The following THADA variants were observed in gnomAD, a reference collection of about 807,000 sequenced individuals.
THADA encodes the protein tRNA (32-2'-O)-methyltransferase regulator THADA.
Under a neutral mutation model 219.8 loss-of-function variants are expected in THADA, and 213 were observed. The observed-to-expected ratio is 0.97, with a 90% CI of 0.87 to 1.09. The LOEUF (loss-of-function observed/expected upper bound fraction) is 1.09. Among genes scored for constraint, THADA ranks in the 50% least tolerant of loss-of-function variants. The pLI, the probability that THADA is intolerant of heterozygous loss-of-function variation, is 0.00. For missense variants in THADA, 2,956 were observed against 2,311.3 expected, an observed-to-expected ratio of 1.28 and a Z score of -5.72; for synonymous variants, 1,018 against 828.9, an observed-to-expected ratio of 1.23 and a Z score of -3.92.
Position 43,345,580 on chromosome 2 carries a change from T to A in THADA, c.4228-1343A>T, listed in dbSNP as rs530483531. 7.9e-5 allele frequency among the ~76,000 whole-genome samples: 12 copies of A among 152,010 alleles called. No individual in the cohort carries two copies. The South Asian group carries it at 2.5e-3, about 32-fold the overall frequency. On this transcript the variant is annotated intron_variant, in intron 29 of 37. Transcript: ENST00000405975. Reference sequence around the variant, plus strand: ...GGGACCCAAACCACCCGACGTGGAGTCTGGAGCAATGGGTCTGGCTGGAGC... The same window carrying A: ...GGGACCCAAACCACCCGACGTGGAGACTGGAGCAATGGGTCTGGCTGGAGC...
At chr2:43,459,028 T>A (rs1379515231) in intron 26 of THADA, among the ~76,000 whole-genome samples, 1 of 152,156 alleles carries the variant, frequency 6.6e-6, no homozygotes, top group African/African-American at 2.4e-5. Flanking sequence ...CAAACAAAAT[T>A]ATTCAAACAA....
chr2:43,570,251 AG>A, intron 14 of THADA, 136 bp downstream of exon 14: 2 of 812,376 alleles, frequency 2.5e-6, no homozygotes, highest in South Asian at 2.0e-5. Context: ...CACCAGAAAT[AG>A]GTAATACTCA....
chr2:43,312,051 A>T (rs1200988889), intron 31 of THADA, among the ~76,000 whole-genome samples: 1 of 152,012 alleles, frequency 6.6e-6, no homozygotes, highest in Non-Finnish European at 1.5e-5. Context: ...AAAAATTAAA[A>T]ACAAAAACAG....
At position 43,527,945 on chromosome 2, in the gene THADA, G is replaced by C. The variant is rs1348377486; in HGVS notation, c.3308C>G (p.Ser1103Cys). 1.9e-6 allele frequency: 3 copies of C among 1,613,372 alleles called. No homozygotes were observed. The highest frequency in any genetic ancestry group is 3.3e-5 in the Admixed American group (2 of 59,962). ...CAATTCAAATGCTCCTCTGTGCCTG[G>C]ACTGCAAAAGGTGTTGTTTAAAGTA... Reference protein sequence around the residue: ...GDYFKQHLLQSRHRGAFELAY... With the variant: ...GDYFKQHLLQCRHRGAFELAY... The change falls in exon 22 of 38, where the codon TCC becomes TGC. Residue 1103 changes from serine to cysteine, a missense_variant. By Grantham distance (112) the Ser-to-Cys change is moderately radical (BLOSUM62 -1). Transcript: ENST00000405975.
intron 29 of THADA, among the ~76,000 whole-genome samples, chr2:43,364,936 A>AG (rs1372135582): frequency 2.1e-4 from 31 of 151,072 alleles, no homozygotes; most frequent in Non-Finnish European, 4.1e-4. Flanking sequence ...GGTTTTAAGT[A>AG]GGGAATTAAG....
At chr2:43,314,743 C>T (rs1328505396) in intron 31 of THADA, among the ~76,000 whole-genome samples, 2 of 152,160 alleles carry the variant, frequency 1.3e-5, no homozygotes, top group African/African-American at 4.8e-5. Flanking sequence ...CTATAATTTT[C>T]TTTCCATTCC....
At position 43,428,051 on chromosome 2, in the gene THADA, G is replaced by T. The variant is rs750776107; in HGVS notation, c.4058+49C>A. The stretch of plus-strand genomic sequence containing the variant: ...AATAAGAAGAAGATAAAATATTCCC[G>T]TAAAACTCCCACGCCAACCTAGACA... On this transcript the variant is annotated intron_variant, in intron 28 of 37. Coordinates refer to ENST00000405975, the MANE Select transcript of THADA (RefSeq NM_022065.5). 6 of 1,411,410 alleles carry T rather than the reference G, an allele frequency of 4.3e-6. No individual in the cohort carries two copies. The African/African-American group carries it at 7.3e-5, about 17-fold the overall frequency. The allele number at this position is 1,411,410 out of a possible 1,614,324, so 87.4% of individuals were successfully genotyped here.
intron 26 of THADA, among the ~76,000 whole-genome samples, chr2:43,432,664 T>C (rs1429428455): frequency 6.6e-6 from 1 of 152,236 alleles, no homozygotes; most frequent in Non-Finnish European, 1.5e-5. Context: ...TGGAGATTTC[T>C]ACAGTCCTTT....
intron 15 of THADA, chr2:43,564,488 CCTCTGT>C (rs1698441056): frequency 6.6e-6 from 1 of 152,276 alleles, no homozygotes; most frequent in Non-Finnish European, 1.5e-5. Flanking sequence ...TCTCTCTCTG[CCTCTGT>C]CTTGTAAGGA....
At chr2:43,498,727 G>A (rs1573948489) in intron 25 of THADA, 106 bp downstream of exon 25, 10 of 1,202,728 alleles carry the variant, frequency 8.3e-6, no homozygotes, top group Admixed American at 3.3e-5. Context: ...GAAAATTCAT[G>A]GTAAAGGGCA....
intron 29 of THADA, among the ~76,000 whole-genome samples, chr2:43,393,534 C>A (rs747054284): frequency 3.3e-5 from 5 of 151,872 alleles, no homozygotes; most frequent in Non-Finnish European, 7.4e-5. Flanking sequence ...ATGGTGAAAC[C>A]CAGTCTCTAC....
At chr2:43,531,852 T>A (rs1693916808) in intron 21 of THADA, among the ~76,000 whole-genome samples, 1 of 152,154 alleles carries the variant, frequency 6.6e-6, no homozygotes, top group Admixed American at 6.5e-5. Context: ...TTCCTTTTTT[T>A]CGACTCATAA....
intron 22 of THADA, among the ~76,000 whole-genome samples, chr2:43,522,665 T>C (rs953305767): frequency 4.6e-5 from 7 of 152,172 alleles, no homozygotes; most frequent in Non-Finnish European, 8.8e-5. Context: ...TTTAAATGAG[T>C]GTTCAAATAT....
At chr2:43,347,876 A>G (rs13382334) in intron 29 of THADA, among the ~76,000 whole-genome samples, 2,202 of 152,298 alleles carry the variant, frequency 0.014, 57 homozygotes, top group African/African-American at 0.051. Context: ...CTTAAAGGCA[A>G]TGTCATGGAA....
At position 43,574,363 on chromosome 2, in the gene THADA, G is replaced by C; in HGVS notation, c.1702C>G (p.Leu568Val). 1.3e-6 allele frequency: 2 copies of C among 1,581,576 alleles called. No individual in the cohort carries two copies. Among genetic ancestry groups the C allele is most frequent in the Non-Finnish European group, 1.7e-6 (2 of 1,167,078 alleles). Residue 568 changes from leucine (L) to valine (V), a missense_variant, in exon 11 of 38, where the codon CTT becomes GTT. Transcript: ENST00000405975. Reference protein sequence around the residue: ...PESLQYMVKILQTSIDAKTGQ... With the variant: ...PESLQYMVKIVQTSIDAKTGQ... Reference sequence around the variant, plus strand: ...GTTTTAGCATCAATAGAAGTCTGAAGAATCTTTACCATGTACTGTAAGCTT... The same window carrying C: ...GTTTTAGCATCAATAGAAGTCTGAACAATCTTTACCATGTACTGTAAGCTT...
chr2:43,514,870 A>G (rs192950989), intron 22 of THADA, among the ~76,000 whole-genome samples: 1 of 71,432 alleles, frequency 1.4e-5, no homozygotes, highest in Non-Finnish European at 2.3e-5. Context: ...TATATATTTT[A>G]TGTATAATAT....
rs1223201615 is a variant in THADA, at chr2:43,315,390, C to T, written c.4438+5056G>A. 2.6e-5 allele frequency among the ~76,000 whole-genome samples: 4 copies of T among 152,284 alleles called. 1 individual carries two copies. Among genetic ancestry groups the T allele is most frequent in the African/African-American group, 9.6e-5 (4 of 41,550 alleles). ...ATTCCCCACTCCCTACCTCCCAAAC[C>T]CCTAATATTGATTATCAAAATGGCT... On this transcript the variant is annotated intron_variant, in intron 31 of 37. Transcript: ENST00000405975.
At chr2:43,538,316 A>C (rs1008823619) in intron 21 of THADA, 1 of 152,232 alleles carries the variant, frequency 6.6e-6, no homozygotes, top group African/African-American at 2.4e-5. Flanking sequence ...TTACTCTTGA[A>C]GGGTCTCCAC....
At chr2:43,289,233 T>C (rs1674403855) in intron 34 of THADA, among the ~76,000 whole-genome samples, 1 of 152,248 alleles carries the variant, frequency 6.6e-6, no homozygotes. Flanking sequence ...AACATCTGGA[T>C]TGTTTTCATC....
Sources: gnomAD v4.1 joint callset for allele counts (sites outside exome capture counted in the v4.1 genomes callset) on GRCh38, gnomAD v4.1.1 for gene constraint, MANE v1.5 for transcripts, NCBI Gene and HGNC (gene_info 2026-07-23, HGNC 2026-07-21) for gene names.